The following AKT3 variants were observed in gnomAD, a reference collection of about 807,000 sequenced individuals.
The protein encoded by AKT3 is AKT serine/threonine kinase 3, also known as RAC-gamma serine/threonine-protein kinase.
Under a neutral mutation model 65.3 loss-of-function variants are expected in AKT3, and 15 were observed. That is an observed-to-expected ratio of 0.23 (90% confidence interval 0.15 to 0.35). AKT3 has a LOEUF of 0.35. AKT3 is among the 10% of genes least tolerant of loss of function. The pLI, the probability that AKT3 is intolerant of heterozygous loss-of-function variation, is 1.00. For missense variants in AKT3, 243 were observed against 576.5 expected, an observed-to-expected ratio of 0.42 and a Z score of 5.92; for synonymous variants, 206 against 183.8, an observed-to-expected ratio of 1.12 and a Z score of -0.98.
intron 4 of AKT3, among the ~76,000 whole-genome samples, chr1:243,663,611 A>G (rs1029166270): frequency 1.3e-5 from 2 of 152,172 alleles, no homozygotes; most frequent in African/African-American, 2.4e-5. Context: ...ACTCTTTTCT[A>G]TATTTCTTAA....
chr1:243,669,196 C>T (rs1325114054), intron 3 of AKT3, among the ~76,000 whole-genome samples: 1 of 152,226 alleles, frequency 6.6e-6, no homozygotes, highest in African/African-American at 2.4e-5. Context: ...AATTCACTAG[C>T]TATATTACTT....
chr1:243,690,591 G>A (rs902761015), intron 3 of AKT3, among the ~76,000 whole-genome samples: 2 of 152,070 alleles, frequency 1.3e-5, no homozygotes, highest in African/African-American at 4.8e-5. Context: ...AAGGGTGAAC[G>A]TCAAATATTG....
chr1:243,707,467 T>G (rs149243632), intron 2 of AKT3, among the ~76,000 whole-genome samples: 18 of 152,280 alleles, frequency 1.2e-4, no homozygotes, highest in African/African-American at 4.1e-4. Flanking sequence ...TCATCTTTCT[T>G]AATTCAATAA....
At chr1:243,649,721 T>C (rs181468268) in intron 4 of AKT3, among the ~76,000 whole-genome samples, 4 of 152,304 alleles carry the variant, frequency 2.6e-5, no homozygotes, top group East Asian at 1.9e-4. Flanking sequence ...GCTTCATCCA[T>C]GTGCCTGCAA....
intron 2 of AKT3, among the ~76,000 whole-genome samples, chr1:243,703,435 A>C (rs1685590841): frequency 6.6e-6 from 1 of 152,166 alleles, no homozygotes; most frequent in Admixed American, 6.5e-5. Flanking sequence ...TTCTCACTCA[A>C]CTTATCATAA....
In AKT3 at chr1:243,843,469, A is replaced by C. The variant is rs368388219; in HGVS notation, c.-112-187T>G. On this transcript the variant is annotated intron_variant, in intron 1 of 13. Transcript: ENST00000673466. ...AAAGCACTTCCCTAGTCTTGTGACC[A>C]ATTTCAAATGATAGTGAAACTTTTA... The C allele has an allele frequency of 5.1e-4, 548 of 1,082,022 alleles. 10 individuals are homozygous for C. In the South Asian group the frequency reaches 0.023, roughly 45 times the overall value. The allele number at this position is 1,082,022 out of a possible 1,614,324, so 67.0% of individuals were successfully genotyped here.
chr1:243,600,653 T>A (rs1016920887), intron 8 of AKT3, among the ~76,000 whole-genome samples: 17 of 152,104 alleles, frequency 1.1e-4, no homozygotes, highest in Admixed American at 9.8e-4. Context: ...TACATTAAAA[T>A]TAACTTGAAA....
At chr1:243,549,174 A>T (rs565981348) in intron 11 of AKT3, among the ~76,000 whole-genome samples, 1 of 152,104 alleles carries the variant, frequency 6.6e-6, no homozygotes, top group Non-Finnish European at 1.5e-5. Flanking sequence ...TATTATTTCC[A>T]GCTGCTCACT....
Position 243,721,673 on chromosome 1 carries a change from T to C in AKT3, c.47-25957A>G, listed in dbSNP as rs372454603. Among the ~76,000 whole-genome samples, 3 of 151,544 alleles carry C rather than the reference T, an allele frequency of 2.0e-5. No individual in the cohort carries two copies. The East Asian group carries it at 5.9e-4, about 30-fold the overall frequency. Reference sequence around the variant, plus strand: ...TATAATTCTTATATTTTCTTACTATTTTTTACATAATGGAGAGAAAAAGGA... The same window carrying C: ...TATAATTCTTATATTTTCTTACTATCTTTTACATAATGGAGAGAAAAAGGA... On this transcript the variant is annotated intron_variant, in intron 2 of 13. Coordinates refer to ENST00000673466, the MANE Select transcript of AKT3 (RefSeq NM_005465.7).
intron 12 of AKT3, among the ~76,000 whole-genome samples, chr1:243,518,580 A>C (rs536423594): frequency 6.6e-6 from 1 of 152,278 alleles, no homozygotes; most frequent in South Asian, 2.1e-4. Context: ...AGCCGAGATC[A>C]TGCCATTGCA....
intron 2 of AKT3, among the ~76,000 whole-genome samples, chr1:243,797,834 T>A: frequency 6.7e-6 from 1 of 150,198 alleles, no homozygotes. Context: ...AACTTCTTTA[T>A]GAAGTAATTC....
At chr1:243,821,805 G>C (rs1455644664) in intron 2 of AKT3, among the ~76,000 whole-genome samples, 1 of 152,128 alleles carries the variant, frequency 6.6e-6, no homozygotes. Flanking sequence ...CCTACAAAGA[G>C]ACAAAGACTC....
intron 2 of AKT3, among the ~76,000 whole-genome samples, chr1:243,842,265 T>A (rs980126010): frequency 6.6e-6 from 1 of 152,056 alleles, no homozygotes; most frequent in Admixed American, 6.5e-5. Flanking sequence ...AATATTAAAA[T>A]CAATATTAGG....
chr1:243,545,740 C>T (rs1672621900), intron 11 of AKT3, 143 bp from the exon 12 acceptor site: 2 of 589,902 alleles, frequency 3.4e-6, no homozygotes, highest in South Asian at 5.0e-5. Context: ...AAAGCTTTTG[C>T]TATAAGATCT....
At position 243,504,865 on chromosome 1, in the gene AKT3, T is replaced by C. The variant is rs1384955963; in HGVS notation, c.*384A>G. 2 of 241,932 alleles carry C rather than the reference T, an allele frequency of 8.3e-6. No individual in the cohort carries two copies. Among genetic ancestry groups the C allele is most frequent in the Admixed American group, 5.4e-5 (1 of 18,522 alleles). The allele number at this position is 241,932 out of a possible 1,614,324, so 15.0% of individuals were successfully genotyped here. ...AGAAAGTTAAAAAATGTACCTAGAA[T>C]CAGTGTATCTCATTTAGCCTTCACT... is the stretch of plus-strand genomic sequence containing the variant. On this transcript the variant is annotated 3_prime_UTR_variant, in exon 14 of 14. Coordinates refer to ENST00000673466, the MANE Select transcript of AKT3 (RefSeq NM_005465.7).
At chr1:243,760,390 G>T (rs1689416602) in intron 2 of AKT3, among the ~76,000 whole-genome samples, 1 of 137,230 alleles carries the variant, frequency 7.3e-6, no homozygotes, top group Non-Finnish European at 1.5e-5. Flanking sequence ...GCCTCCCAAA[G>T]TGCTGGGATT....
chr1:243,624,830 C>A, intron 6 of AKT3: 1 of 208,316 alleles, frequency 4.8e-6, no homozygotes, highest in Non-Finnish European at 1.1e-5. Flanking sequence ...TTTCTGTCAT[C>A]TGTAGTGGTT....
intron 6 of AKT3, among the ~76,000 whole-genome samples, chr1:243,626,205 G>T (rs1030225804): frequency 2.0e-5 from 3 of 152,110 alleles, no homozygotes; most frequent in African/African-American, 7.2e-5. Flanking sequence ...TTCTTAATAT[G>T]GGTCTTACAG....
At chr1:243,580,372 A>G (rs562378263) in intron 8 of AKT3, among the ~76,000 whole-genome samples, 15 of 152,188 alleles carry the variant, frequency 9.9e-5, no homozygotes, top group South Asian at 4.1e-4. Flanking sequence ...TAACTTGGGG[A>G]GTGGCCTGGA....
Sources: gnomAD v4.1 joint callset for allele counts (sites outside exome capture counted in the v4.1 genomes callset) on GRCh38, gnomAD v4.1.1 for gene constraint, MANE v1.5 for transcripts, NCBI Gene and HGNC (gene_info 2026-07-23, HGNC 2026-07-21) for gene names.